Variants in RNF150 observed in about 807,000 individuals in gnomAD.
RNF150 encodes ring finger protein 150.
In RNF150, 24 loss-of-function variants were observed where a neutral mutation model predicts 39.3. The ratio of observed to expected loss-of-function variants is 0.61; its 90% CI spans 0.44 to 0.86. The LOEUF (loss-of-function observed/expected upper bound fraction) is 0.86, where lower values mean the gene tolerates loss of function less well. RNF150 is among the 40% of genes least tolerant of loss of function. RNF150 has a pLI of 0.00. For synonymous variants in RNF150, 255 were observed against 227.3 expected, an observed-to-expected ratio of 1.12 and a Z score of -1.10; for missense variants, 502 against 587.8, an observed-to-expected ratio of 0.85 and a Z score of 1.51.
At chr4:141,031,053 A>G (rs1467433894) in intron 1 of RNF150, among the ~76,000 whole-genome samples, 1 of 152,058 alleles carries the variant, frequency 6.6e-6, no homozygotes, top group Non-Finnish European at 1.5e-5. Flanking sequence ...AAACCACCAC[A>G]GTTATGAAAA....
intron 6 of RNF150, among the ~76,000 whole-genome samples, chr4:140,887,894 T>C (rs1481464000): frequency 6.6e-6 from 1 of 152,170 alleles, no homozygotes; most frequent in Non-Finnish European, 1.5e-5. Flanking sequence ...ATAAACACAT[T>C]ATAAGGTAAA....
chr4:141,141,573 G>A (rs532260543), intron 1 of RNF150, among the ~76,000 whole-genome samples: 28 of 152,286 alleles, frequency 1.8e-4, no homozygotes, highest in East Asian at 9.6e-4. Flanking sequence ...AGGCCAAGGC[G>A]GCAGATCACT....
intron 3 of RNF150, 140 bp downstream of exon 3, chr4:140,949,161 T>C: frequency 1.8e-6 from 1 of 551,004 alleles, no homozygotes; most frequent in Non-Finnish European, 3.2e-6. Flanking sequence ...TTAAGAAGAG[T>C]ATAATAACAG....
At chr4:141,003,386 C>A (rs920424623) in intron 1 of RNF150, among the ~76,000 whole-genome samples, 1 of 152,184 alleles carries the variant, frequency 6.6e-6, no homozygotes, top group Non-Finnish European at 1.5e-5. Context: ...CCCTTGCACA[C>A]AACTTCAGAC....
chr4:141,191,339 G>C (rs928095044), intron 1 of RNF150, among the ~76,000 whole-genome samples: 2 of 152,166 alleles, frequency 1.3e-5, no homozygotes, highest in Non-Finnish European at 2.9e-5. Context: ...TCCTCCACTT[G>C]TCTCTGGTTT....
intron 1 of RNF150, among the ~76,000 whole-genome samples, chr4:141,021,174 G>C (rs551715133): frequency 2.0e-4 from 30 of 152,212 alleles, no homozygotes; most frequent in Admixed American, 8.5e-4. Flanking sequence ...GATATCAGCC[G>C]GGGATGGTAG....
chr4:141,135,351 A>G (rs555085120), upstream of RNF150, among the ~76,000 whole-genome samples: 6 of 152,376 alleles, frequency 3.9e-5, no homozygotes, highest in East Asian at 1.2e-3. Context: ...CACGAAAAGC[A>G]AGCTGGCTGA....
rs1490302741 is a variant in RNF150 at position 140,860,240 on chromosome 4, C to T, written c.*8021G>A. The T allele has an allele frequency of 1.3e-5, 2 of 150,560 alleles. No homozygotes were observed. Among genetic ancestry groups the T allele is most frequent in the Non-Finnish European group, 3.0e-5 (2 of 67,792 alleles). 9.3% of individuals were successfully genotyped at this position (150,560 alleles called of 1,614,324 possible). A position where few individuals can be genotyped will look rare whatever the true frequency, so the allele number is the denominator to read the frequency against. ...TGGGGAAGAAGGAAAGAAATTTATA[C>T]AGAAAAAATTTAAAAAACTACACTG... On this transcript the variant is annotated 3_prime_UTR_variant, in exon 7 of 7. Transcript: ENST00000515673.
At chr4:140,878,071 C>T (rs1691726236) in intron 6 of RNF150, among the ~76,000 whole-genome samples, 2 of 151,938 alleles carry the variant, frequency 1.3e-5, no homozygotes, top group South Asian at 4.2e-4. Context: ...TCTATATCCC[C>T]ATCAACACTT....
chr4:141,149,902 TA>T (rs1727268837), intron 1 of RNF150, among the ~76,000 whole-genome samples: 1 of 152,218 alleles, frequency 6.6e-6, no homozygotes, highest in Non-Finnish European at 1.5e-5. Context: ...ATCGATTTTT[TA>T]AAATTTATTT....
At chr4:141,088,434 TATATTAG>T (rs1180902598) in intron 1 of RNF150, among the ~76,000 whole-genome samples, 1 of 152,226 alleles carries the variant, frequency 6.6e-6, no homozygotes, top group East Asian at 1.9e-4. Flanking sequence ...TTGTGTAAGT[TATATTAG>T]ATATTAGCAT....
At chr4:141,169,063 T>C (rs988946574) in intron 1 of RNF150, among the ~76,000 whole-genome samples, 5 of 152,176 alleles carry the variant, frequency 3.3e-5, no homozygotes, top group South Asian at 2.1e-4. Flanking sequence ...AATCTGTGTC[T>C]CTACCCATAT....
At chr4:141,085,135 C>T (rs1020678816) in intron 1 of RNF150, among the ~76,000 whole-genome samples, 7 of 152,122 alleles carry the variant, frequency 4.6e-5, no homozygotes, top group Non-Finnish European at 1.0e-4. Context: ...GCCTCACAGT[C>T]ATGATGGAAG....
intron 1 of RNF150, among the ~76,000 whole-genome samples, chr4:140,974,112 TAG>T (rs1411275073): frequency 2.0e-5 from 3 of 152,166 alleles, no homozygotes; most frequent in African/African-American, 4.8e-5. Flanking sequence ...ATCACATATA[TAG>T]AGTCATATAA....
intron 1 of RNF150, among the ~76,000 whole-genome samples, chr4:141,012,585 C>A (rs1356991493): frequency 6.6e-6 from 1 of 151,770 alleles, no homozygotes; most frequent in Non-Finnish European, 1.5e-5. Context: ...GAGGCTGAGG[C>A]AGGCAGATCA....
At chr4:141,091,810 C>G (rs759625821) in intron 1 of RNF150, among the ~76,000 whole-genome samples, 2 of 152,142 alleles carry the variant, frequency 1.3e-5, no homozygotes, top group African/African-American at 2.4e-5. Context: ...TACCAACACA[C>G]AAAAGAACTA....
intron 1 of RNF150, among the ~76,000 whole-genome samples, chr4:141,184,565 G>A (rs373127781): frequency 6.6e-6 from 1 of 152,266 alleles, no homozygotes; most frequent in African/African-American, 2.4e-5. Flanking sequence ...TTTTAGTCAT[G>A]AAGTCTTTGC....
At chr4:141,090,720 G>A (rs1345092372) in intron 1 of RNF150, among the ~76,000 whole-genome samples, 1 of 152,184 alleles carries the variant, frequency 6.6e-6, no homozygotes, top group Non-Finnish European at 1.5e-5. Context: ...AACGTAACTG[G>A]TGAATGCCTG....
intron 1 of RNF150, among the ~76,000 whole-genome samples, chr4:141,131,362 C>G (rs1190233763): frequency 6.6e-6 from 1 of 152,262 alleles, no homozygotes; most frequent in Non-Finnish European, 1.5e-5. Context: ...GGAGGGCCCA[C>G]TTCTCAGGCA....
Sources: gnomAD v4.1 joint callset for allele counts (sites outside exome capture counted in the v4.1 genomes callset) on GRCh38, gnomAD v4.1.1 for gene constraint, MANE v1.5 for transcripts, NCBI Gene and HGNC (gene_info 2026-07-23, HGNC 2026-07-21) for gene names.